Variants in FIP1L1 observed in about 807,000 individuals in gnomAD.
FIP1L1 encodes the protein factor interacting with PAPOLA and CPSF1.
In FIP1L1, 21 loss-of-function variants were observed where a neutral mutation model predicts 84.6. The ratio of observed to expected loss-of-function variants is 0.25; its 90% CI spans 0.18 to 0.36. The LOEUF (loss-of-function observed/expected upper bound fraction) is 0.36, where lower values mean the gene tolerates loss of function less well. Ranked by LOEUF, FIP1L1 falls within the 10% of genes least tolerant of loss-of-function variation. The probability of loss-of-function intolerance (pLI) is 1.00; values close to 1 mark genes in which losing one functional copy is unlikely to be tolerated. For missense variants in FIP1L1, 526 were observed against 751.1 expected, an observed-to-expected ratio of 0.70 and a Z score of 3.50; for synonymous variants, 263 against 242.3, an observed-to-expected ratio of 1.09 and a Z score of -0.80.
intron 13 of FIP1L1, among the ~76,000 whole-genome samples, chr4:53,435,445 C>A (rs1241938261): frequency 1.3e-5 from 2 of 152,066 alleles, no homozygotes; most frequent in African/African-American, 2.4e-5. Context: ...TGGTAGAGAT[C>A]ATTTCTTTAC....
chr4:53,423,026 G>T (rs1313394060), intron 11 of FIP1L1, among the ~76,000 whole-genome samples: 3 of 152,050 alleles, frequency 2.0e-5, no homozygotes, highest in African/African-American at 7.2e-5. Flanking sequence ...TCAATTTATG[G>T]CCTTTTGTCT....
At chr4:53,396,195 A>G (rs1473477374) in intron 9 of FIP1L1, among the ~76,000 whole-genome samples, 1 of 152,200 alleles carries the variant, frequency 6.6e-6, no homozygotes, top group Non-Finnish European at 1.5e-5. Flanking sequence ...TTGGGATTAC[A>G]GGCGTGAGCC....
chr4:53,404,026 A>G lies in FIP1L1; in HGVS notation c.815+4187A>G, dbSNP rs564522956. ...TAAAATGCACTTTTTTTTTTTTATTATACTTTAAGTTTTAGGGTACATGTG... is the reference window on the plus strand; with the variant it reads ...TAAAATGCACTTTTTTTTTTTTATTGTACTTTAAGTTTTAGGGTACATGTG... On this transcript the variant is annotated intron_variant, in intron 10 of 17. Coordinates refer to ENST00000337488, the MANE Select transcript of FIP1L1 (RefSeq NM_030917.4). 7.8e-3 allele frequency among the ~76,000 whole-genome samples: 1,111 copies of G among 142,692 alleles called. 15 individuals carry two copies. The highest frequency in any genetic ancestry group is 9.7e-3 in the Non-Finnish European group (627 of 64,544). The allele number at this position is 142,692 out of a possible 152,430, so 93.6% of individuals were successfully genotyped here. A position where few individuals can be genotyped will look rare whatever the true frequency, so the allele number is the denominator to read the frequency against.
At position 53,383,870 on chromosome 4, in the gene FIP1L1, A is replaced by G; in HGVS notation, c.326A>G (p.Gln109Arg). The change falls in exon 5 of 18, where the codon CAG (glutamine) becomes CGG (arginine). Residue 109 changes from glutamine (Q) to arginine (R), a missense_variant. Coordinates refer to ENST00000337488, the MANE Select transcript of FIP1L1 (RefSeq NM_030917.4). ...TIGDIKTGAPQYGSYGTAPVN... is the reference protein window; with the variant it reads ...TIGDIKTGAPRYGSYGTAPVN... Reference sequence around the variant, plus strand: ...GGAGACATTAAAACGGGAGCACCACAGTATGGGTAAGTTATTTTTTAGTAA... The same window carrying G: ...GGAGACATTAAAACGGGAGCACCACGGTATGGGTAAGTTATTTTTTAGTAA... 6.2e-7 allele frequency: 1 copy of G among 1,610,486 alleles called. No homozygotes were observed.
chr4:53,436,955 C>T (rs1241781334), intron 13 of FIP1L1, among the ~76,000 whole-genome samples: 2 of 151,846 alleles, frequency 1.3e-5, no homozygotes, highest in African/African-American at 4.8e-5. Context: ...TTTGAGAGGC[C>T]AAGGCGGGTA....
At chr4:53,399,907 T>TACA (rs1749364440) in intron 10 of FIP1L1, 68 bp downstream of exon 10, 1 of 1,079,744 alleles carries the variant, frequency 9.3e-7, no homozygotes, top group Admixed American at 2.1e-5. Context: ...TTGTGCTATA[T>TACA]TAAGTATAAA....
intron 10 of FIP1L1, among the ~76,000 whole-genome samples, chr4:53,410,064 A>G (rs1756335546): frequency 6.6e-6 from 1 of 152,176 alleles, no homozygotes; most frequent in South Asian, 2.1e-4. Flanking sequence ...GAAATGCAGA[A>G]ATCACCCGTC....
chr4:53,431,070 T>A (rs1766437155), intron 13 of FIP1L1, among the ~76,000 whole-genome samples: 1 of 152,226 alleles, frequency 6.6e-6, no homozygotes, highest in African/African-American at 2.4e-5. Context: ...AGTGGTCTTG[T>A]ACGTACTTGG....
At chr4:53,395,987 T>G (rs1347190905) in intron 9 of FIP1L1, among the ~76,000 whole-genome samples, 5 of 152,048 alleles carry the variant, frequency 3.3e-5, no homozygotes, top group Admixed American at 2.6e-4. Context: ...GGTGTGATCT[T>G]GGCTCACTGC....
In FIP1L1 at chr4:53,428,393, A is replaced by G. The variant is rs115304381; in HGVS notation, c.1174+210A>G. Among the ~76,000 whole-genome samples, 1,267 of 152,344 alleles carry G rather than the reference A, an allele frequency of 8.3e-3. 17 individuals carry two copies. The highest frequency in any genetic ancestry group is 0.027 in the African/African-American group (1,140 of 41,574). On this transcript the variant is annotated intron_variant, in intron 13 of 17. Transcript: ENST00000337488. ...ACAATGTTCTAAAATTAAGAAGAAT[A>G]TACAGATACCAATCTTGTGATTCAA...
At position 53,407,549 on chromosome 4, in the gene FIP1L1, A is replaced by G. The variant is rs182860180; in HGVS notation, c.816-7066A>G. ...GTCTGCTTGGTGCAGAGCTGAGTTC[A>G]AGTCCTGGGTATCCTTGTTAACTTT... On this transcript the variant is annotated intron_variant, in intron 10 of 17. Transcript: ENST00000337488. 6.0e-4 allele frequency among the ~76,000 whole-genome samples: 91 copies of G among 151,146 alleles called. 1 individual carries two copies. The East Asian group carries it at 0.014, about 23-fold the overall frequency.
chr4:53,378,923 T>C, intron 1 of FIP1L1, 150 bp from the exon 2 acceptor site: 1 of 754,730 alleles, frequency 1.3e-6, no homozygotes, highest in Non-Finnish European at 2.1e-6. Flanking sequence ...AATGTGAATG[T>C]GTAGGATTTC....
chr4:53,395,494 C>T (rs1746736170), intron 9 of FIP1L1, among the ~76,000 whole-genome samples: 1 of 152,176 alleles, frequency 6.6e-6, no homozygotes, highest in East Asian at 1.9e-4. Context: ...AAGGGGAGGT[C>T]ACCATAATAG....
rs1184385767 is a variant in FIP1L1, at chr4:53,459,775, G to C, written c.*326G>C. 1.9e-5 allele frequency: 6 copies of C among 322,900 alleles called. No individual in the cohort carries two copies. Among genetic ancestry groups the C allele is most frequent in the African/African-American group, 1.1e-4 (5 of 46,412 alleles). 20.0% of individuals were successfully genotyped at this position (322,900 alleles called of 1,614,324 possible). ...GAGAAAAGGTCAAGGGTTCCACTTG[G>C]GCCACAGTTTTTTTGTTAATCAAAC... On this transcript the variant is annotated 3_prime_UTR_variant, in exon 18 of 18. Coordinates refer to ENST00000337488, the MANE Select transcript of FIP1L1 (RefSeq NM_030917.4).
At chr4:53,426,131 A>C (rs1200687484) in intron 12 of FIP1L1, among the ~76,000 whole-genome samples, 166 bp downstream of exon 12, 3 of 152,124 alleles carry the variant, frequency 2.0e-5, no homozygotes, top group Admixed American at 6.6e-5. Context: ...TCCAGTTAGA[A>C]TTTATAATCT....
rs767759455 is a variant in FIP1L1, at chr4:53,425,962, A to G, written c.1014A>G (p.Ile338Met). The G allele has an allele frequency of 6.2e-7, 1 of 1,605,940 alleles. No individual in the cohort carries two copies. The highest frequency in any genetic ancestry group is 8.5e-7 in the Non-Finnish European group (1 of 1,173,780). The change falls in exon 12 of 18, where the codon ATA becomes ATG. Residue 338 changes from isoleucine (I) to methionine (M), a missense_variant. Coordinates refer to ENST00000337488, the MANE Select transcript of FIP1L1 (RefSeq NM_030917.4). ...GACGGGCAAATGAGAACAGCAACAT[A>G]CAGGTTTAGTATTTTAAAATAAATA... is the stretch of plus-strand genomic sequence containing the variant. ...GRRRANENSNIQVLSERSATE... is the reference protein window; with the variant it reads ...GRRRANENSNMQVLSERSATE...
At chr4:53,457,065 A>C (rs1719517440) in intron 16 of FIP1L1, among the ~76,000 whole-genome samples, 1 of 152,130 alleles carries the variant, frequency 6.6e-6, no homozygotes, top group South Asian at 2.1e-4. Flanking sequence ...GCTTCTGAAA[A>C]AATTAAGCAT....
intron 11 of FIP1L1, among the ~76,000 whole-genome samples, chr4:53,421,439 T>C (rs1037428187): frequency 1.3e-5 from 2 of 152,202 alleles, no homozygotes; most frequent in African/African-American, 4.8e-5. Context: ...CCATCTGAAA[T>C]GTTCTATCTT....
At chr4:53,440,701 A>C in intron 13 of FIP1L1, 1 of 860,274 alleles carries the variant, frequency 1.2e-6, no homozygotes, top group Non-Finnish European at 1.9e-6. Context: ...TGCGGTTAGA[A>C]TATGGAATAG....
Sources: gnomAD v4.1 joint callset for allele counts (sites outside exome capture counted in the v4.1 genomes callset) on GRCh38, gnomAD v4.1.1 for gene constraint, MANE v1.5 for transcripts, NCBI Gene and HGNC (gene_info 2026-07-23, HGNC 2026-07-21) for gene names.